The following NSD3 variants were observed in gnomAD, a reference collection of about 807,000 sequenced individuals.
The protein encoded by NSD3 is nuclear receptor binding SET domain protein 3, also known as histone-lysine N-methyltransferase NSD3.
In NSD3, 24 loss-of-function variants were observed where a neutral mutation model predicts 160.8. That is an observed-to-expected ratio of 0.15 (90% CI 0.11 to 0.21). The LOEUF (loss-of-function observed/expected upper bound fraction) is 0.21, where lower values mean the gene tolerates loss of function less well. Ranked by LOEUF, NSD3 falls within the 10% of genes least tolerant of loss-of-function variation. The pLI, the probability that NSD3 is intolerant of heterozygous loss-of-function variation, is 1.00. For missense variants in NSD3, 1,157 were observed against 1,735.9 expected (o/e 0.67, Z 5.93); for synonymous variants, 520 against 600.0 (o/e 0.87, Z 1.95).
intron 16 of NSD3, among the ~76,000 whole-genome samples, chr8:38,291,920 TG>T (rs1263641737): frequency 1.3e-5 from 2 of 152,214 alleles, no homozygotes; most frequent in African/African-American, 4.8e-5. Context: ...AGTTCACGGA[TG>T]GAAGTCTTTC....
intron 19 of NSD3, among the ~76,000 whole-genome samples, chr8:38,287,795 G>A (rs1420889368): frequency 1.3e-5 from 2 of 152,008 alleles, no homozygotes. Flanking sequence ...TGGGACTACA[G>A]GTGCCCGCTA....
intron 12 of NSD3, among the ~76,000 whole-genome samples, chr8:38,310,967 T>C (rs1008157253): frequency 3.3e-5 from 5 of 152,104 alleles, no homozygotes; most frequent in African/African-American, 7.2e-5. Flanking sequence ...AATTTCTCCA[T>C]AGTTAAGCCA....
intron 7 of NSD3, among the ~76,000 whole-genome samples, chr8:38,324,941 G>A (rs1809871841): frequency 6.6e-6 from 1 of 152,240 alleles, no homozygotes; most frequent in South Asian, 2.1e-4. Context: ...AAGCTCTACA[G>A]CCCTTTCCAT....
At chr8:38,368,939 A>T (rs1377733563) in intron 1 of NSD3, among the ~76,000 whole-genome samples, 1 of 152,204 alleles carries the variant, frequency 6.6e-6, no homozygotes, top group African/African-American at 2.4e-5. Context: ...AAATTATGGT[A>T]AAATGGTTTG....
chr8:38,293,728 G>C (rs1230124476), intron 16 of NSD3, among the ~76,000 whole-genome samples: 1 of 150,056 alleles, frequency 6.7e-6, no homozygotes, highest in Non-Finnish European at 1.5e-5. Context: ...TTCGAGACCA[G>C]CCTGGCCAAC....
chr8:38,362,831 A>T (rs559632510), intron 1 of NSD3, among the ~76,000 whole-genome samples: 13 of 152,368 alleles, frequency 8.5e-5, no homozygotes, highest in African/African-American at 2.9e-4. Context: ...AACTGTCACA[A>T]CATCATCACT....
Position 38,337,448 on chromosome 8 carries a change from G to T in NSD3, c.767C>A (p.Ser256Tyr). Residue 256 changes from serine to tyrosine, a missense_variant, in exon 4 of 24, where the codon TCT (serine) becomes TAT (tyrosine). Ser to Tyr is a moderately radical substitution (Grantham distance 144). Coordinates refer to ENST00000317025, the MANE Select transcript of NSD3 (RefSeq NM_023034.2). ...EEAPVQPILS[S>Y]VPTTEVSTGV... Reference sequence around the variant, plus strand: ...AGTGGACACTTCCGTTGTTGGAACAGAAGATAGTATTGGCTGAACCTACAG... The same window carrying T: ...AGTGGACACTTCCGTTGTTGGAACATAAGATAGTATTGGCTGAACCTACAG... 6.2e-7 allele frequency: 1 copy of T among 1,601,634 alleles called. No homozygotes were observed. The highest frequency in any genetic ancestry group is 8.5e-7 in the Non-Finnish European group (1 of 1,175,404).
rs1170199298 is a variant in NSD3, at chr8:38,279,697, A to G, written c.3619-16T>C. ...TTATACGGTCCTTCAGAAAGAAAAGAAAAGTACCTTTTACATAAATTAAGT... is the reference window on the plus strand; with the variant it reads ...TTATACGGTCCTTCAGAAAGAAAAGGAAAGTACCTTTTACATAAATTAAGT... On this transcript the variant is annotated splice_polypyrimidine_tract_variant and intron_variant, in intron 20 of 23. Transcript: ENST00000317025. The G allele has an allele frequency of 2.5e-6, 4 of 1,606,890 alleles. No homozygotes were observed. The highest frequency in any genetic ancestry group is 3.4e-6 in the Non-Finnish European group (4 of 1,174,442).
At chr8:38,337,140 C>T (rs886458005) in intron 4 of NSD3, among the ~76,000 whole-genome samples, 165 bp downstream of exon 4, 59 of 141,708 alleles carry the variant, frequency 4.2e-4, no homozygotes, top group African/African-American at 1.4e-3. Context: ...AAAACTCCGT[C>T]TCAAAAAAAA....
At chr8:38,288,000 A>G (rs534414485) in intron 19 of NSD3, among the ~76,000 whole-genome samples, 2 of 151,970 alleles carry the variant, frequency 1.3e-5, no homozygotes, top group Non-Finnish European at 2.9e-5. Flanking sequence ...GTGGGAGGCC[A>G]AGGCAGGAGA....
chr8:38,314,574 G>A lies in NSD3; in HGVS notation c.2242+73C>T, dbSNP rs1809612355. On this transcript the variant is annotated intron_variant, in intron 12 of 23. Transcript: ENST00000317025. ...AAGTGATGGGAACAAGATGTCCTAG[G>A]AGAGGTTGTCAGTGCACATTCCTGG... 4.9e-5 allele frequency: 78 copies of A among 1,595,836 alleles called. 1 individual carries two copies. The South Asian group carries it at 8.3e-4, about 17-fold the overall frequency.
chr8:38,341,708 T>C (rs1012310292), intron 2 of NSD3, among the ~76,000 whole-genome samples: 2 of 152,096 alleles, frequency 1.3e-5, no homozygotes, highest in Non-Finnish European at 2.9e-5. Flanking sequence ...TCCCAGGACT[T>C]TGAGAGGCTG....
chr8:38,289,331 A>G, intron 18 of NSD3, 62 bp downstream of exon 18: 2 of 1,416,910 alleles, frequency 1.4e-6, no homozygotes, highest in Non-Finnish European at 2.0e-6. Flanking sequence ...ATGCTTTCAT[A>G]GTAAAGACTT....
chr8:38,359,922 T>C (rs1810917583), intron 1 of NSD3, among the ~76,000 whole-genome samples: 1 of 152,168 alleles, frequency 6.6e-6, no homozygotes, highest in Admixed American at 6.5e-5. Context: ...GCAGTTACAG[T>C]TATCCAAAAA....
Position 38,304,674 on chromosome 8 carries a change from A to C in NSD3, c.2524T>G (p.Ser842Ala). 1 of 1,614,134 alleles carries C rather than the reference A, an allele frequency of 6.2e-7. No homozygotes were observed. The highest frequency in any genetic ancestry group is 1.1e-5 in the South Asian group (1 of 91,076). The part of the protein sequence containing the change: ...CIAAGSMLVS[S>A]YILICSNHSK... Reference sequence around the variant, plus strand: ...TGATTACTACAGATGAGAATGTAGGAGGATACTAACATGCTTCCGGCCGCA... The same window carrying C: ...TGATTACTACAGATGAGAATGTAGGCGGATACTAACATGCTTCCGGCCGCA... Residue 842 changes from serine to alanine, a missense_variant, in exon 14 of 24, where the codon TCC becomes GCC. Ser to Ala is a moderately conservative substitution (Grantham distance 99). This residue lies in a region of NSD3 where 437 missense variants were observed against 576.6 expected (regional missense o/e 0.76). Transcript: ENST00000317025.
rs923962246 is a variant in NSD3 at position 38,317,452 on chromosome 8, G to C, written c.1856-1410C>G. On this transcript the variant is annotated intron_variant, in intron 9 of 23. Transcript: ENST00000317025. This position sits in a 1 kb window ranked among gnomAD's most constrained non-coding sequence, Gnocchi z 5.3. ...AGGAGTGCTGTACTGAGAGGCTTTC[G>C]AAGGGAAACACAGGTACCGCCATTT... The C allele has an allele frequency of 1.0e-5, 11 of 1,056,478 alleles. No homozygotes were observed. Among genetic ancestry groups the C allele is most frequent in the African/African-American group, 1.7e-5 (1 of 60,368 alleles). 65.4% of individuals were successfully genotyped at this position (1,056,478 alleles called of 1,614,324 possible).
Position 38,316,730 on chromosome 8 carries a change from G to A in NSD3, c.1856-688C>T, listed in dbSNP as rs1809675015. On this transcript the variant is annotated intron_variant, in intron 9 of 23. Coordinates refer to ENST00000317025, the MANE Select transcript of NSD3 (RefSeq NM_023034.2). The surrounding 1 kb of genome is among the most constrained non-coding windows in gnomAD (Gnocchi z 4.5). ...TTCAAGTGCAGCCAAATCACGTAGA[G>A]CTGGATGGGAAGGCCTCTATGTGGA... 9.5e-7 allele frequency: 1 copy of A among 1,057,264 alleles called. No homozygotes were observed. Among genetic ancestry groups the A allele is most frequent in the Non-Finnish European group, 1.1e-6 (1 of 874,354 alleles). 65.5% of individuals were successfully genotyped at this position (1,057,264 alleles called of 1,614,324 possible).
Position 38,316,545 on chromosome 8 carries a change from T to C in NSD3, c.1856-503A>G, listed in dbSNP as rs926497162. ...CCCCAAATTTTGCAATTCAGTTGAT[T>C]ATTGCCCCCCAATAAAATTTGGATG... On this transcript the variant is annotated intron_variant, in intron 9 of 23. Transcript: ENST00000317025. The surrounding 1 kb of genome is among the most constrained non-coding windows in gnomAD (Gnocchi z 4.5). The C allele has an allele frequency of 1.2e-4, 131 of 1,049,162 alleles. No individual in the cohort carries two copies. The African/African-American group carries it at 2.1e-3, about 17-fold the overall frequency. 65.0% of individuals were successfully genotyped at this position (1,049,162 alleles called of 1,614,324 possible). A position where few individuals can be genotyped will look rare whatever the true frequency, so the allele number is the denominator to read the frequency against.
chr8:38,342,355 T>A (rs530521900), intron 2 of NSD3, among the ~76,000 whole-genome samples: 41 of 152,332 alleles, frequency 2.7e-4, no homozygotes, highest in African/African-American at 9.6e-4. Context: ...CTAATTCCAC[T>A]GCTTTGTCAG....
Sources: allele counts gnomAD v4.1 joint callset (sites outside exome capture counted in the v4.1 genomes callset), GRCh38; gene constraint gnomAD v4.1.1; regional missense constraint gnomAD v4.1.1; non-coding constraint Gnocchi (gnomAD v3.1); transcripts MANE v1.5; gene names NCBI Gene and HGNC (gene_info 2026-07-23, HGNC 2026-07-21).